Variants in EIF4G3 observed in about 807,000 individuals in gnomAD.
The protein encoded by EIF4G3 is eukaryotic translation initiation factor 4 gamma 3, also known as eIF-4-gamma 3.
In EIF4G3, 34 loss-of-function variants were observed where a neutral mutation model predicts 186.4. The ratio of observed to expected loss-of-function variants is 0.18; its 90% CI spans 0.14 to 0.24. EIF4G3 has a LOEUF of 0.24. Among genes scored for constraint, EIF4G3 ranks in the 10% least tolerant of loss-of-function variants. The pLI, the probability that EIF4G3 is intolerant of heterozygous loss-of-function variation, is 1.00. For synonymous variants in EIF4G3, 673 were observed against 679.5 expected, an observed-to-expected ratio of 0.99 and a Z score of 0.15; for missense variants, 1,536 against 1,948.5, an observed-to-expected ratio of 0.79 and a Z score of 3.99.
At chr1:21,176,125 G>A (rs1329398421) in intron 2 of EIF4G3, 50 bp downstream of exon 2, 3 of 337,084 alleles carry the variant, frequency 8.9e-6, no homozygotes, top group Non-Finnish European at 1.6e-5. Flanking sequence ...GGGTCCCCCT[G>A]GACTGCGACG....
At chr1:20,892,815 G>T (rs770483272) in intron 18 of EIF4G3, 50 of 914,306 alleles carry the variant, frequency 5.5e-5, no homozygotes, top group Non-Finnish European at 8.2e-5. Context: ...AACAAAACAG[G>T]AATCTTATCA....
At chr1:21,090,256 T>C (rs900600321) in intron 2 of EIF4G3, among the ~76,000 whole-genome samples, 3 of 152,214 alleles carry the variant, frequency 2.0e-5, no homozygotes, top group Non-Finnish European at 4.4e-5. Flanking sequence ...TTCTTTTTTC[T>C]AGTAGAATAA....
In EIF4G3 at chr1:20,893,619, C is replaced by T; in HGVS notation, c.2151G>A (p.Leu717=). 2 of 1,572,346 alleles carry T rather than the reference C, an allele frequency of 1.3e-6. No individual in the cohort carries two copies. Among genetic ancestry groups the T allele is most frequent in the South Asian group, 2.3e-5 (2 of 87,766 alleles). The part of the protein sequence containing the change: ...VVLDKINQPK[L]PMRTLDPRIL... ...TTCGAGGATCCAGAGTTCGCATTGG[C>T]AATTTGGGTTGGTTGATCTGCATGA... is the stretch of plus-strand genomic sequence containing the variant. Residue 717 remains leucine, a synonymous_variant, in exon 18 of 37, where the codon TTG becomes TTA. Transcript: ENST00000602326.
chr1:21,102,518 G>C (rs2096546346), intron 2 of EIF4G3, among the ~76,000 whole-genome samples: 1 of 152,096 alleles, frequency 6.6e-6, no homozygotes, highest in South Asian at 2.1e-4. Context: ...TTAATAAATG[G>C]ACAATGCTAA....
intron 3 of EIF4G3, among the ~76,000 whole-genome samples, chr1:21,057,684 C>T (rs1317917320): frequency 1.3e-5 from 2 of 152,022 alleles, no homozygotes. Flanking sequence ...TCCTCTTCCA[C>T]ACCACCTACC....
At chr1:21,096,113 T>C (rs1400704530) in intron 2 of EIF4G3, among the ~76,000 whole-genome samples, 1 of 152,164 alleles carries the variant, frequency 6.6e-6, no homozygotes, top group African/African-American at 2.4e-5. Context: ...AATGCCCACC[T>C]TGCACAATAG....
At chr1:21,111,489 C>CAGCCTGGATA (rs1286361520) in intron 2 of EIF4G3, 1 of 408,740 alleles carries the variant, frequency 2.4e-6, no homozygotes, top group Non-Finnish European at 5.0e-6. Flanking sequence ...TTTTCCTTTC[C>CAGCCTGGATA]GTGGACTATC....
At chr1:20,807,799 T>G (rs909171966) in intron 36 of EIF4G3, among the ~76,000 whole-genome samples, 5 of 148,812 alleles carry the variant, frequency 3.4e-5, no homozygotes, top group South Asian at 2.2e-4. Flanking sequence ...AATCTTGTTC[T>G]GTCCCCAGGC....
chr1:20,809,095 T>G (rs2058721200), intron 36 of EIF4G3, among the ~76,000 whole-genome samples: 1 of 152,086 alleles, frequency 6.6e-6, no homozygotes, highest in African/African-American at 2.4e-5. Context: ...TGCCTCAGCC[T>G]CCCAAGTAGC....
chr1:20,917,288 G>A (rs924672723), intron 14 of EIF4G3, among the ~76,000 whole-genome samples: 3 of 152,212 alleles, frequency 2.0e-5, no homozygotes, highest in Non-Finnish European at 4.4e-5. Context: ...CTTAAGCCCA[G>A]AGTTTGAGAT....
intron 2 of EIF4G3, among the ~76,000 whole-genome samples, chr1:21,117,090 T>C (rs921450401): frequency 2.6e-5 from 4 of 152,140 alleles, no homozygotes; most frequent in African/African-American, 9.7e-5. Flanking sequence ...TTATTTCACC[T>C]TAATGGTTAA....
chr1:20,909,488 C>T (rs1288601929), intron 14 of EIF4G3, among the ~76,000 whole-genome samples: 1 of 151,750 alleles, frequency 6.6e-6, no homozygotes, highest in African/African-American at 2.4e-5. Context: ...AAAGATACAC[C>T]CATTGAAGAG....
chr1:21,065,298 C>T (rs1172666889), intron 3 of EIF4G3, among the ~76,000 whole-genome samples: 1 of 149,964 alleles, frequency 6.7e-6, no homozygotes, highest in Non-Finnish European at 1.5e-5. Context: ...ACTTTCCAAA[C>T]ACAAACTTGA....
chr1:20,857,524 C>T (rs1403518329), intron 24 of EIF4G3, 27 bp from the exon 25 acceptor site: 1 of 1,566,820 alleles, frequency 6.4e-7, no homozygotes, highest in Non-Finnish European at 8.8e-7. Flanking sequence ...GTGGGAGTCT[C>T]TCATCTGTCT....
chr1:21,015,082 G>T (rs2088525189), intron 4 of EIF4G3, among the ~76,000 whole-genome samples: 1 of 148,958 alleles, frequency 6.7e-6, no homozygotes. Flanking sequence ...AAAAAAAAAA[G>T]GAGGGGGGGA....
In EIF4G3 at chr1:21,030,664, T is replaced by A. The variant is rs556991359; in HGVS notation, c.-67+20202A>T. Among the ~76,000 whole-genome samples the A allele has an allele frequency of 1.9e-4, 29 of 152,342 alleles. No homozygotes were observed. In the South Asian group the frequency reaches 6.0e-3, roughly 32 times the overall value. ...AATACAAACCACACAAGTAAGTAAT[T>A]TAAAATTTTCTAGGTCACCAGATTA... On this transcript the variant is annotated intron_variant, in intron 4 of 36. Coordinates refer to ENST00000602326, the MANE Select transcript of EIF4G3 (RefSeq NM_001391906.1).
intron 2 of EIF4G3, among the ~76,000 whole-genome samples, chr1:21,121,439 T>C (rs1431268506): frequency 6.6e-6 from 1 of 152,166 alleles, no homozygotes; most frequent in Non-Finnish European, 1.5e-5. Flanking sequence ...TTAAGAAATA[T>C]GCGAACTGAG....
At chr1:20,921,433 G>A (rs1367272342) in intron 14 of EIF4G3, among the ~76,000 whole-genome samples, 1 of 152,200 alleles carries the variant, frequency 6.6e-6, no homozygotes, top group African/African-American at 2.4e-5. Flanking sequence ...AACCAACAGT[G>A]TGCCTCATTA....
Position 20,969,500 on chromosome 1 carries a change from G to T in EIF4G3, c.688C>A (p.Pro230Thr), listed in dbSNP as rs1189712639. 3 of 1,613,918 alleles carry T rather than the reference G, an allele frequency of 1.9e-6. No homozygotes were observed. The highest frequency in any genetic ancestry group is 3.3e-5 in the Admixed American group (2 of 60,020). Residue 230 changes from proline to threonine, a missense_variant, in exon 12 of 37, where the codon CCC (proline) becomes ACC (threonine). Physicochemically the swap from Pro to Thr is conservative, Grantham distance 38. Around this residue, in one of 11 missense-constraint regions of EIF4G3, gnomAD observed 560 missense variants for 547.8 expected, o/e 1.02. Transcript: ENST00000602326. ...TGAGGAGGAGTAGGTGTGGACGTGG[G>T]TCTTCCTATGGGTGGAGTAGGATTT... ...SRNPTPPIGR[P>T]TSTPTPPQQL...
Sources: allele counts gnomAD v4.1 joint callset (sites outside exome capture counted in the v4.1 genomes callset), GRCh38; gene constraint gnomAD v4.1.1; regional missense constraint gnomAD v4.1.1; transcripts MANE v1.5; gene names NCBI Gene and HGNC (gene_info 2026-07-23, HGNC 2026-07-21).